FBXL17: variants seen among roughly 807,000 people sequenced by gnomAD.
FBXL17 encodes F-box and leucine rich repeat protein 17, also known as F-box/LRR-repeat protein 17.
In FBXL17, 22 loss-of-function variants were observed where a neutral mutation model predicts 66.2. That is an observed-to-expected ratio of 0.33 (90% CI 0.24 to 0.47). The LOEUF (loss-of-function observed/expected upper bound fraction) is 0.47, where lower values mean the gene tolerates loss of function less well. FBXL17 is among the 20% of genes least tolerant of loss of function. The pLI, the probability that FBXL17 is intolerant of heterozygous loss-of-function variation, is 1.00. For synonymous variants in FBXL17, 474 were observed against 400.5 expected (o/e 1.18, Z -2.19); for missense variants, 878 against 948.2 (o/e 0.93, Z 0.97).
intron 7 of FBXL17, among the ~76,000 whole-genome samples, chr5:107,957,432 C>T (rs1410252213): frequency 6.6e-6 from 1 of 151,954 alleles, no homozygotes; most frequent in Non-Finnish European, 1.5e-5. Flanking sequence ...AAAAAAAAAT[C>T]ACTCACAAGA....
chr5:108,318,084 A>AT (rs958747123), intron 4 of FBXL17, among the ~76,000 whole-genome samples: 2 of 151,578 alleles, frequency 1.3e-5, no homozygotes, highest in Non-Finnish European at 3.0e-5. Context: ...AACTATAAAC[A>AT]TTTTTCCTTC....
chr5:108,278,794 A>G (rs1757587185), intron 4 of FBXL17, among the ~76,000 whole-genome samples: 1 of 152,334 alleles, frequency 6.6e-6, no homozygotes, highest in South Asian at 2.1e-4. Context: ...CAGGGGCCTG[A>G]GAACTGCATG....
In FBXL17 at chr5:108,366,100, T is replaced by C. The variant is rs543614548; in HGVS notation, c.1117-1105A>G. ...AGTTTTTAATCTTTTACTGTTTCTATGAGAAACAATACCTCGCATATAATT... is the reference window on the plus strand; with the variant it reads ...AGTTTTTAATCTTTTACTGTTTCTACGAGAAACAATACCTCGCATATAATT... On this transcript the variant is annotated intron_variant, in intron 2 of 8. Transcript: ENST00000542267. Among the ~76,000 whole-genome samples, 47 of 152,230 alleles carry C rather than the reference T, an allele frequency of 3.1e-4. No individual in the cohort carries two copies. In the South Asian group the frequency reaches 8.5e-3, roughly 27 times the overall value.
At chr5:108,347,671 A>G (rs970070891) in intron 4 of FBXL17, among the ~76,000 whole-genome samples, 16 of 152,210 alleles carry the variant, frequency 1.1e-4, no homozygotes, top group African/African-American at 3.6e-4. Flanking sequence ...GCCAGGGACT[A>G]GAAGAAGGGT....
At chr5:108,331,017 C>A (rs1346700052) in intron 4 of FBXL17, among the ~76,000 whole-genome samples, 1 of 152,108 alleles carries the variant, frequency 6.6e-6, no homozygotes, top group Non-Finnish European at 1.5e-5. Context: ...TGCGCCACTG[C>A]ACTACAGCCT....
chr5:108,229,223 A>G (rs976215267), intron 4 of FBXL17, among the ~76,000 whole-genome samples: 1 of 152,136 alleles, frequency 6.6e-6, no homozygotes, highest in African/African-American at 2.4e-5. Context: ...ATTCATATGC[A>G]ACCAAAAAAA....
intron 6 of FBXL17, among the ~76,000 whole-genome samples, chr5:108,122,745 G>A (rs1475432503): frequency 6.6e-6 from 1 of 152,126 alleles, no homozygotes; most frequent in African/African-American, 2.4e-5. Flanking sequence ...TTATTTATCT[G>A]CAAAAAGCTT....
At chr5:107,877,073 T>C (rs948115220) in intron 8 of FBXL17, among the ~76,000 whole-genome samples, 2 of 152,208 alleles carry the variant, frequency 1.3e-5, no homozygotes, top group African/African-American at 4.8e-5. Context: ...AGCGTTTTCT[T>C]CTCTTGGTTC....
intron 4 of FBXL17, among the ~76,000 whole-genome samples, chr5:108,274,153 T>C (rs1757388750): frequency 6.6e-6 from 1 of 152,014 alleles, no homozygotes; most frequent in Non-Finnish European, 1.5e-5. Flanking sequence ...GGAGACAGGG[T>C]TTTTGAGATC....
At chr5:108,149,071 G>A (rs1035392591) in intron 6 of FBXL17, among the ~76,000 whole-genome samples, 5 of 152,154 alleles carry the variant, frequency 3.3e-5, no homozygotes, top group African/African-American at 1.2e-4. Context: ...GCAAATGACA[G>A]GTTCTAATTA....
intron 4 of FBXL17, among the ~76,000 whole-genome samples, chr5:108,320,076 CTT>C (rs1487405076): frequency 6.6e-6 from 1 of 151,720 alleles, no homozygotes; most frequent in Non-Finnish European, 1.5e-5. Context: ...GCATTACAAA[CTT>C]CTCTCTCCTT....
chr5:108,077,597 A>G (rs1173722067), intron 6 of FBXL17, among the ~76,000 whole-genome samples: 1 of 151,830 alleles, frequency 6.6e-6, no homozygotes, highest in African/African-American at 2.4e-5. Context: ...CAGGAGGTTG[A>G]GGATGCAGTG....
intron 4 of FBXL17, among the ~76,000 whole-genome samples, chr5:108,306,103 A>T (rs1385954397): frequency 1.3e-5 from 2 of 152,066 alleles, no homozygotes; most frequent in Non-Finnish European, 2.9e-5. Context: ...AGAATACATG[A>T]ATTGCATATT....
intron 5 of FBXL17, among the ~76,000 whole-genome samples, chr5:108,194,882 T>C (rs1753618789): frequency 6.6e-6 from 1 of 152,230 alleles, no homozygotes; most frequent in African/African-American, 2.4e-5. Flanking sequence ...CTGAAAAAGA[T>C]ACCCAGTTGA....
intron 7 of FBXL17, among the ~76,000 whole-genome samples, chr5:107,942,981 G>T (rs557637169): frequency 1.3e-4 from 20 of 152,208 alleles, no homozygotes; most frequent in African/African-American, 4.8e-4. Context: ...TCACTGAATT[G>T]ACCTTTTGGT....
chr5:108,146,584 G>C (rs768403574), intron 6 of FBXL17, among the ~76,000 whole-genome samples: 2 of 152,128 alleles, frequency 1.3e-5, no homozygotes, highest in Non-Finnish European at 2.9e-5. Context: ...CCAGTCTTTT[G>C]AGTTATAACA....
At chr5:108,053,925 G>A (rs59906267) in intron 6 of FBXL17, among the ~76,000 whole-genome samples, 6,226 of 152,254 alleles carry the variant, frequency 0.041, 424 homozygotes, top group African/African-American at 0.14. Context: ...GAAATACTAT[G>A]CAGCCGTAAA....
chr5:108,009,282 T>TAGATAGATAGATAGATAGATAG lies in FBXL17; in HGVS notation c.1822+11642_1822+11643insCTATCTATCTATCTATCTATCT, dbSNP rs1216444049. On this transcript the variant is annotated intron_variant, in intron 7 of 8. Transcript: ENST00000542267. ...TGTTTTATATATATATATATATATA[T>TAGATAGATAGATAGATAGATAG]ATATATATATATATATATACATATA... is the stretch of plus-strand genomic sequence containing the variant. Among the ~76,000 whole-genome samples, 329 of 54,740 alleles carry TAGATAGATAGATAGATAGATAG rather than the reference T, an allele frequency of 6.0e-3. 48 individuals are homozygous for TAGATAGATAGATAGATAGATAG. Among genetic ancestry groups the TAGATAGATAGATAGATAGATAG allele is most frequent in the Non-Finnish European group, 8.3e-3 (274 of 32,838 alleles). The allele number at this position is 54,740 out of a possible 152,430, so 35.9% of individuals were successfully genotyped here.
At chr5:108,193,688 C>T (rs1392281161) in intron 5 of FBXL17, among the ~76,000 whole-genome samples, 3 of 151,744 alleles carry the variant, frequency 2.0e-5, no homozygotes, top group Non-Finnish European at 1.5e-5. Context: ...AACTGAAAGG[C>T]TCTAAATAGC....
Sources: gnomAD v4.1 joint callset for allele counts (sites outside exome capture counted in the v4.1 genomes callset) on GRCh38, gnomAD v4.1.1 for gene constraint, MANE v1.5 for transcripts, NCBI Gene and HGNC (gene_info 2026-07-23, HGNC 2026-07-21) for gene names.